PLCH1: variants seen among roughly 807,000 people sequenced by gnomAD.
PLCH1 encodes the protein phospholipase C eta 1, also known as 1-phosphatidylinositol 4,5-bisphosphate phosphodiesterase eta-1.
Under a neutral mutation model 126.7 loss-of-function variants are expected in PLCH1, and 60 were observed. The ratio of observed to expected loss-of-function variants is 0.47; its 90% CI spans 0.38 to 0.59. The LOEUF is 0.59. Among genes scored for constraint, PLCH1 ranks in the 20% least tolerant of loss-of-function variants. The pLI is 0.00. For missense variants in PLCH1, 1,723 were observed against 2,040.0 expected (o/e 0.84, Z 2.99); for synonymous variants, 719 against 734.9 (o/e 0.98, Z 0.35).
At chr3:155,588,426 G>A (rs1238060072) in intron 4 of PLCH1, among the ~76,000 whole-genome samples, 2 of 152,064 alleles carry the variant, frequency 1.3e-5, no homozygotes, top group South Asian at 4.2e-4. Flanking sequence ...CACCCACTTC[G>A]GGCTTTCAAC....
chr3:155,532,012 A>G (rs1278736048), intron 10 of PLCH1, among the ~76,000 whole-genome samples: 3 of 152,250 alleles, frequency 2.0e-5, no homozygotes, highest in African/African-American at 4.8e-5. Context: ...ATTTTCTTCA[A>G]GAATTTTTCT....
intron 2 of PLCH1, among the ~76,000 whole-genome samples, chr3:155,702,714 A>C (rs1407509924): frequency 6.6e-6 from 1 of 152,222 alleles, no homozygotes; most frequent in African/African-American, 2.4e-5. Flanking sequence ...TTCTTTAAAA[A>C]CTGGCACAAA....
At chr3:155,504,673 G>T in intron 12 of PLCH1, 47 bp from the exon 13 acceptor site, 1 of 1,338,684 alleles carries the variant, frequency 7.5e-7, no homozygotes, top group Non-Finnish European at 1.1e-6. Context: ...CTTTGCTTTT[G>T]TCTTTTTCCT....
rs1714023972 is a variant in PLCH1, at chr3:155,481,415, C to T, written c.4611G>A (p.Gln1537=). The T allele has an allele frequency of 6.2e-7, 1 of 1,614,094 alleles. No individual in the cohort carries two copies. The highest frequency in any genetic ancestry group is 1.7e-5 in the Admixed American group (1 of 60,012). ...GGTCAAAGGACACAAGCTTCCGAAG[C>T]TGCTCGGTCAGGGCATCTATAGGCT... ...SLEPIDALTE[Q]LRKLVSFDQE... The change falls in exon 23 of 23, where the codon CAG becomes CAA. Residue 1537 remains glutamine, a synonymous_variant. Coordinates refer to ENST00000460012, the MANE Select transcript of PLCH1 (RefSeq NM_014996.4). This position sits in a 1 kb window ranked among gnomAD's most constrained non-coding sequence, Gnocchi z 4.2.
intron 1 of PLCH1, among the ~76,000 whole-genome samples, chr3:155,741,489 G>A (rs149511089): frequency 8.5e-5 from 13 of 152,192 alleles, no homozygotes; most frequent in African/African-American, 2.9e-4. Context: ...TTCCCTAACC[G>A]TCTATGTCCT....
chr3:155,596,100 T>C (rs1732948083), intron 3 of PLCH1, 132 bp downstream of exon 3: 3 of 683,398 alleles, frequency 4.4e-6, no homozygotes, highest in Non-Finnish European at 7.4e-6. Context: ...TGCCTCTCAA[T>C]ATCCAAAATC....
intron 10 of PLCH1, among the ~76,000 whole-genome samples, chr3:155,539,843 C>T (rs1723982628): frequency 6.6e-6 from 1 of 151,788 alleles, no homozygotes; most frequent in Admixed American, 6.6e-5. Flanking sequence ...CTATGTAATC[C>T]CTATCAAAAT....
intron 2 of PLCH1, among the ~76,000 whole-genome samples, chr3:155,631,503 C>T (rs1199390900): frequency 1.3e-5 from 2 of 152,176 alleles, no homozygotes; most frequent in Non-Finnish European, 2.9e-5. Flanking sequence ...CAGGAATGAA[C>T]AATGTATCGA....
chr3:155,677,640 G>A (rs1015120176), intron 2 of PLCH1, among the ~76,000 whole-genome samples: 1 of 152,142 alleles, frequency 6.6e-6, no homozygotes, highest in African/African-American at 2.4e-5. Context: ...CATAGTAATA[G>A]TTTCTACTTC....
intron 12 of PLCH1, among the ~76,000 whole-genome samples, chr3:155,505,682 G>A (rs189732739): frequency 2.0e-5 from 3 of 152,282 alleles, no homozygotes; most frequent in East Asian, 1.9e-4. Context: ...GGGTTTACAA[G>A]GTGATTGATG....
chr3:155,736,990 G>A (rs916807978), intron 1 of PLCH1, among the ~76,000 whole-genome samples: 2 of 151,954 alleles, frequency 1.3e-5, no homozygotes, highest in Non-Finnish European at 2.9e-5. Context: ...AGCACTTTGG[G>A]AGGCCGAAGC....
intron 1 of PLCH1, among the ~76,000 whole-genome samples, chr3:155,727,154 T>G (rs1471244264): frequency 1.3e-5 from 2 of 152,012 alleles, no homozygotes; most frequent in Non-Finnish European, 2.9e-5. Context: ...CTTGGAAAAA[T>G]AAAAATAAAA....
rs1042836319 is a variant in PLCH1, at chr3:155,470,176, GA to G, written c.2938+15179del. ...CAAAGGCAAAGAAGTTGAAAACTTT[GA>G]AAAAAATTTAGAAGAATGTATAACT... On this transcript the variant is annotated intron_variant, in intron 21 of 21. Coordinates refer to the PLCH1 transcript ENST00000494598. Among the ~76,000 whole-genome samples, 64 of 151,188 alleles carry G rather than the reference GA, an allele frequency of 4.2e-4. No homozygotes were observed. The South Asian group carries it at 4.8e-3, about 11-fold the overall frequency.
At chr3:155,650,585 T>C (rs1740598697) in intron 2 of PLCH1, among the ~76,000 whole-genome samples, 1 of 151,450 alleles carries the variant, frequency 6.6e-6, no homozygotes, top group Non-Finnish European at 1.5e-5. Flanking sequence ...ATGAATGAAG[T>C]AGGAAATTAA....
At chr3:155,588,939 C>G (rs1275974278) in intron 4 of PLCH1, among the ~76,000 whole-genome samples, 1 of 152,178 alleles carries the variant, frequency 6.6e-6, no homozygotes, top group Admixed American at 6.5e-5. Context: ...TAACGGTCCA[C>G]ATAGTATACA....
chr3:155,692,857 C>A (rs1246226273), intron 2 of PLCH1, among the ~76,000 whole-genome samples: 1 of 152,016 alleles, frequency 6.6e-6, no homozygotes, highest in Non-Finnish European at 1.5e-5. Flanking sequence ...TCCTGGTTCA[C>A]GCCATTCTCC....
At chr3:155,508,504 CTCT>C (rs1718972360) in intron 12 of PLCH1, among the ~76,000 whole-genome samples, 1 of 113,918 alleles carries the variant, frequency 8.8e-6, no homozygotes. Flanking sequence ...TCATAGATAG[CTCT>C]TATTATTTTG....
chr3:155,733,450 C>T (rs1748922006), intron 1 of PLCH1, among the ~76,000 whole-genome samples: 1 of 152,038 alleles, frequency 6.6e-6, no homozygotes, highest in African/African-American at 2.4e-5. Context: ...AACAAAGGTG[C>T]CATGAACACA....
chr3:155,655,011 G>A (rs1421989876), intron 2 of PLCH1, among the ~76,000 whole-genome samples: 1 of 151,926 alleles, frequency 6.6e-6, no homozygotes, highest in Admixed American at 6.6e-5. Flanking sequence ...CCTGTCACAG[G>A]GCCTTTGCAC....
Sources: gnomAD v4.1 joint callset for allele counts (sites outside exome capture counted in the v4.1 genomes callset) on GRCh38, gnomAD v4.1.1 for gene constraint, Gnocchi (gnomAD v3.1) non-coding constraint, MANE v1.5 for transcripts, NCBI Gene and HGNC (gene_info 2026-07-23, HGNC 2026-07-21) for gene names.